The following SPATA16 variants were observed in gnomAD, a reference collection of about 807,000 sequenced individuals.
SPATA16 encodes the protein spermatogenesis associated 16.
In SPATA16, 36 loss-of-function variants were observed where a neutral mutation model predicts 63.3. That is an observed-to-expected ratio of 0.57 (90% CI 0.44 to 0.75). The LOEUF (loss-of-function observed/expected upper bound fraction) is 0.75. SPATA16 is among the 30% of genes least tolerant of loss of function. SPATA16 has a pLI of 0.00. For missense variants in SPATA16, 646 were observed against 679.3 expected, an observed-to-expected ratio of 0.95 and a Z score of 0.54; for synonymous variants, 203 against 216.7, an observed-to-expected ratio of 0.94 and a Z score of 0.56.
At chr3:173,016,178 A>C (rs756334535) in intron 4 of SPATA16, among the ~76,000 whole-genome samples, 1 of 152,146 alleles carries the variant, frequency 6.6e-6, no homozygotes, top group Non-Finnish European at 1.5e-5. Context: ...AAATATCTCC[A>C]TTTTTGTTCA....
intron 2 of SPATA16, among the ~76,000 whole-genome samples, chr3:173,110,196 A>G (rs1737715288): frequency 6.6e-6 from 1 of 152,200 alleles, no homozygotes; most frequent in Non-Finnish European, 1.5e-5. Flanking sequence ...AATCTTGAAC[A>G]TGAAGAGTTC....
At chr3:173,008,289 A>G (rs1274246618) in intron 4 of SPATA16, among the ~76,000 whole-genome samples, 4 of 152,008 alleles carry the variant, frequency 2.6e-5, no homozygotes, top group Admixed American at 6.6e-5. Flanking sequence ...GTTTATTTTA[A>G]CTCTTTAGAC....
intron 3 of SPATA16, among the ~76,000 whole-genome samples, chr3:173,031,439 G>T (rs1233993774): frequency 6.6e-6 from 1 of 151,966 alleles, no homozygotes; most frequent in African/African-American, 2.4e-5. Context: ...ACAAGCAATT[G>T]TTCAACTCAA....
At chr3:172,968,717 C>T (rs1456580908) in intron 5 of SPATA16, among the ~76,000 whole-genome samples, 1 of 152,178 alleles carries the variant, frequency 6.6e-6, no homozygotes, top group Non-Finnish European at 1.5e-5. Context: ...TCACTATCTC[C>T]TTCATGGGAA....
intron 6 of SPATA16, among the ~76,000 whole-genome samples, chr3:172,939,280 T>G (rs1363221657): frequency 6.6e-6 from 1 of 152,160 alleles, no homozygotes; most frequent in African/African-American, 2.4e-5. Context: ...TTTCTCCTAC[T>G]ATAAACCTTG....
At chr3:173,009,611 T>C (rs1439971804) in intron 4 of SPATA16, among the ~76,000 whole-genome samples, 1 of 152,176 alleles carries the variant, frequency 6.6e-6, no homozygotes, top group Admixed American at 6.5e-5. Flanking sequence ...GCCCTTAGGA[T>C]AGCTGCAGCA....
chr3:172,930,434 A>G (rs1179453364), intron 6 of SPATA16, among the ~76,000 whole-genome samples: 1 of 151,726 alleles, frequency 6.6e-6, no homozygotes, highest in Non-Finnish European at 1.5e-5. Context: ...ACAACTACCT[A>G]GTCTCCCCAT....
chr3:172,903,686 A>C (rs538987857), intron 10 of SPATA16, among the ~76,000 whole-genome samples: 6 of 152,328 alleles, frequency 3.9e-5, no homozygotes, highest in Admixed American at 1.3e-4. Flanking sequence ...GAAGTTGCAG[A>C]AAGAGGGAAA....
intron 4 of SPATA16, 45 bp downstream of exon 4, chr3:173,019,441 A>G: frequency 6.7e-7 from 1 of 1,495,900 alleles, no homozygotes; most frequent in Non-Finnish European, 9.3e-7. Flanking sequence ...GAATAAAATT[A>G]ATTTGACTTG....
intron 2 of SPATA16, among the ~76,000 whole-genome samples, chr3:173,100,429 C>T (rs954916704): frequency 6.6e-6 from 1 of 151,914 alleles, no homozygotes. Flanking sequence ...ACAAAAAAAA[C>T]CAGCTGGTGT....
intron 10 of SPATA16, among the ~76,000 whole-genome samples, chr3:172,890,368 A>G (rs1731868625): frequency 6.6e-6 from 1 of 151,748 alleles, no homozygotes; most frequent in African/African-American, 2.4e-5. Flanking sequence ...AGAAAAAACT[A>G]TAGAATAAAA....
At chr3:173,120,551 C>T (rs528150475) in intron 1 of SPATA16, among the ~76,000 whole-genome samples, 1 of 152,300 alleles carries the variant, frequency 6.6e-6, no homozygotes, top group East Asian at 1.9e-4. Context: ...ACCAGAATAT[C>T]TGTAGTTGAT....
At chr3:173,005,341 A>AAAAAAAG in intron 4 of SPATA16, among the ~76,000 whole-genome samples, 1 of 150,686 alleles carries the variant, frequency 6.6e-6, no homozygotes, top group Non-Finnish European at 1.5e-5. Flanking sequence ...AAAAAAAAAA[A>AAAAAAAG]AAAAAAGAAA....
chr3:173,138,099 G>GT (rs1738600173), intron 1 of SPATA16, among the ~76,000 whole-genome samples: 1 of 151,896 alleles, frequency 6.6e-6, no homozygotes, highest in Admixed American at 6.6e-5. Flanking sequence ...TTTTTTCTTG[G>GT]TGGGGGGGTG....
chr3:172,948,370 T>C (rs1411033527), intron 6 of SPATA16, among the ~76,000 whole-genome samples: 1 of 152,142 alleles, frequency 6.6e-6, no homozygotes, highest in Non-Finnish European at 1.5e-5. Flanking sequence ...CCTAGAATAG[T>C]GTATCTGGTA....
intron 10 of SPATA16, among the ~76,000 whole-genome samples, chr3:172,900,870 T>A (rs1732114116): frequency 6.6e-6 from 1 of 152,046 alleles, no homozygotes; most frequent in Non-Finnish European, 1.5e-5. Flanking sequence ...CTCGAACTCC[T>A]GACCTCATGA....
At chr3:172,996,292 C>G (rs1479493489) in intron 4 of SPATA16, among the ~76,000 whole-genome samples, 1 of 151,912 alleles carries the variant, frequency 6.6e-6, no homozygotes, top group Non-Finnish European at 1.5e-5. Context: ...GCAAATATGG[C>G]CAGTTGCCCA....
intron 5 of SPATA16, among the ~76,000 whole-genome samples, chr3:172,969,944 G>A (rs889348342): frequency 2.0e-5 from 3 of 152,252 alleles, no homozygotes; most frequent in Non-Finnish European, 1.5e-5. Context: ...AAAGGAGAGC[G>A]AAAGATCCGT....
intron 4 of SPATA16, among the ~76,000 whole-genome samples, chr3:173,015,236 G>A (rs138984710): frequency 0.023 from 3,425 of 151,962 alleles, 126 homozygotes; most frequent in African/African-American, 0.076. Context: ...GCTAATTTTT[G>A]TATTTTTAGT....
Sources: allele counts gnomAD v4.1 joint callset (sites outside exome capture counted in the v4.1 genomes callset), GRCh38; gene constraint gnomAD v4.1.1; transcripts MANE v1.5; gene names NCBI Gene and HGNC (gene_info 2026-07-23, HGNC 2026-07-21).